Variants in FBXO34 observed in about 807,000 individuals in gnomAD.
The protein encoded by FBXO34 is F-box protein 34, also known as F-box only protein 34.
A neutral mutation model predicts 24.5 loss-of-function variants in FBXO34; 12 were observed. The observed-to-expected ratio is 0.49, with a 90% CI of 0.31 to 0.79. FBXO34 has a LOEUF of 0.79. FBXO34 is among the 30% of genes least tolerant of loss of function. FBXO34 has a pLI of 0.04. For missense variants in FBXO34, 823 were observed against 857.7 expected, an observed-to-expected ratio of 0.96 and a Z score of 0.51; for synonymous variants, 320 against 311.9, an observed-to-expected ratio of 1.03 and a Z score of -0.27.
At chr14:55,402,580 C>G in the FBXO34 span, among the ~76,000 whole-genome samples, 8 of 151,800 alleles carry the variant, frequency 5.3e-5, no homozygotes, top group South Asian at 1.7e-3. Flanking sequence ...ATATTTTTAT[C>G]GGCAAAGATA....
At chr14:55,290,222 C>T (rs1194213781) in intron 1 of FBXO34, among the ~76,000 whole-genome samples, 1 of 151,916 alleles carries the variant, frequency 6.6e-6, no homozygotes, top group East Asian at 1.9e-4. Context: ...GGTGAAACCC[C>T]GTCTCTACTA....
rs751682408 is a variant in FBXO34, at chr14:55,351,456, G to C, written c.1066G>C (p.Asp356His). The C allele has an allele frequency of 1.2e-6, 2 of 1,614,178 alleles. 1 individual carries two copies. Among genetic ancestry groups the C allele is most frequent in the South Asian group, 2.2e-5 (2 of 91,080 alleles). Reference sequence around the variant, plus strand: ...TGTGGATTGTGGCCCTTCAAGAGCTGATCGTTGTTCTCCTAAGGAGGACCA... The same window carrying C: ...TGTGGATTGTGGCCCTTCAAGAGCTCATCGTTGTTCTCCTAAGGAGGACCA... ...VSVDCGPSRA[D>H]RCSPKEDQAW... Residue 356 changes from aspartate to histidine, a missense_variant, in exon 2 of 2, where the codon GAT (aspartate) becomes CAT (histidine). Asp to His is a moderately conservative substitution (Grantham distance 81). Coordinates refer to ENST00000313833, the MANE Select transcript of FBXO34 (RefSeq NM_017943.4).
chr14:55,358,347 T>C (rs1318416606), downstream of FBXO34, among the ~76,000 whole-genome samples: 2 of 152,054 alleles, frequency 1.3e-5, no homozygotes, highest in Non-Finnish European at 2.9e-5. Context: ...AATTCAAGGA[T>C]TTATTATAAG....
intron 1 of FBXO34, among the ~76,000 whole-genome samples, chr14:55,323,495 GC>G (rs1252406350): frequency 1.9e-4 from 29 of 151,662 alleles, no homozygotes; most frequent in African/African-American, 7.0e-4. Context: ...TGATTCTCCT[GC>G]CTCAGCCTCC....
chr14:55,286,434 T>C (rs1362395382), intron 1 of FBXO34, among the ~76,000 whole-genome samples: 1 of 151,514 alleles, frequency 6.6e-6, no homozygotes, highest in East Asian at 1.9e-4. Flanking sequence ...TAAATTTTAA[T>C]TTTATTTCCT....
the FBXO34 span, among the ~76,000 whole-genome samples, chr14:55,414,811 C>A: frequency 6.6e-6 from 1 of 152,126 alleles, no homozygotes; most frequent in Non-Finnish European, 1.5e-5. Flanking sequence ...TTCTTTTGAT[C>A]CACGTCCTCT....
the FBXO34 span, among the ~76,000 whole-genome samples, chr14:55,376,693 T>A: frequency 6.6e-6 from 1 of 152,180 alleles, no homozygotes; most frequent in African/African-American, 2.4e-5. Context: ...TTTCAGTAGA[T>A]GGATGATGCG....
chr14:55,298,907 C>A, intron 1 of FBXO34: 1 of 1,584,194 alleles, frequency 6.3e-7, no homozygotes, highest in Non-Finnish European at 8.7e-7. Flanking sequence ...AGAATGCCAA[C>A]ACCAATACCG....
At chr14:55,419,950 A>G in the FBXO34 span, among the ~76,000 whole-genome samples, 2 of 152,212 alleles carry the variant, frequency 1.3e-5, no homozygotes, top group African/African-American at 4.8e-5. Context: ...CAGTTGTGCC[A>G]TGCTGCACTA....
chr14:55,399,610 A>G, the FBXO34 span, among the ~76,000 whole-genome samples: 1 of 152,312 alleles, frequency 6.6e-6, no homozygotes, highest in South Asian at 2.1e-4. Flanking sequence ...TGGACCTATC[A>G]CTTGTTATAT....
At chr14:55,282,183 C>G (rs1428785435) in intron 1 of FBXO34, 1 of 191,418 alleles carries the variant, frequency 5.2e-6, no homozygotes, top group African/African-American at 2.4e-5. Flanking sequence ...TTTTAGTAGA[C>G]AGGGTTTCTC....
intron 1 of FBXO34, chr14:55,339,387 C>A (rs182119232): frequency 8.2e-5 from 12 of 145,782 alleles, no homozygotes; most frequent in South Asian, 2.3e-4. Flanking sequence ...TGCCCCCCCC[C>A]CCAATCCTGG....
intron 1 of FBXO34, among the ~76,000 whole-genome samples, chr14:55,293,888 T>C (rs1376899256): frequency 6.6e-6 from 1 of 152,074 alleles, no homozygotes; most frequent in Non-Finnish European, 1.5e-5. Flanking sequence ...GAGAGAGGGA[T>C]ATAGAAACTT....
At position 55,351,123 on chromosome 14, in the gene FBXO34, G is replaced by T. The variant is rs1884350020; in HGVS notation, c.733G>T (p.Val245Leu). The change falls in exon 2 of 2, where the codon GTG becomes TTG. Residue 245 changes from valine to leucine, a missense_variant. Physicochemically the swap from Val to Leu is conservative, Grantham distance 32 (BLOSUM62 1). This residue lies in a region of FBXO34 where 693 missense variants were observed against 659.1 expected (regional missense o/e 1.05). Transcript: ENST00000313833. ...IVRFSGQSRG[V>L]PAVSESYSAP... Reference sequence around the variant, plus strand: ...GAGGTTTTCTGGCCAATCCAGAGGTGTGCCTGCAGTGTCTGAGTCCTATTC... The same window carrying T: ...GAGGTTTTCTGGCCAATCCAGAGGTTTGCCTGCAGTGTCTGAGTCCTATTC... 1 of 1,614,104 alleles carries T rather than the reference G, an allele frequency of 6.2e-7. No individual in the cohort carries two copies. The highest frequency in any genetic ancestry group is 1.7e-5 in the Admixed American group (1 of 60,004).
chr14:55,297,597 T>C (rs891339736), intron 1 of FBXO34, among the ~76,000 whole-genome samples: 1 of 152,264 alleles, frequency 6.6e-6, no homozygotes, highest in Admixed American at 6.5e-5. Context: ...ATAGCCTCTA[T>C]TGGAAATTTT....
intron 1 of FBXO34, among the ~76,000 whole-genome samples, chr14:55,344,915 G>A (rs192058252): frequency 2.6e-5 from 4 of 152,198 alleles, no homozygotes; most frequent in African/African-American, 9.6e-5. Flanking sequence ...GTAATTGTCT[G>A]TTTGCTTTTC....
chr14:55,402,229 C>G, the FBXO34 span, among the ~76,000 whole-genome samples: 1 of 152,176 alleles, frequency 6.6e-6, no homozygotes, highest in Admixed American at 6.5e-5. Context: ...ACTCTCACCC[C>G]TCCACCTGCC....
At chr14:55,436,779 T>G in the FBXO34 span, 7 of 1,614,214 alleles carry the variant, frequency 4.3e-6, no homozygotes, top group Non-Finnish European at 5.9e-6. Flanking sequence ...ACCTACTTTG[T>G]GGACTTTGGC....
At chr14:55,386,570 G>T in the FBXO34 span, among the ~76,000 whole-genome samples, 1 of 152,038 alleles carries the variant, frequency 6.6e-6, no homozygotes, top group Non-Finnish European at 1.5e-5. Context: ...AGAAGGGCAA[G>T]AGAAACAGCC....
Sources: allele counts gnomAD v4.1 joint callset (sites outside exome capture counted in the v4.1 genomes callset), GRCh38; gene constraint gnomAD v4.1.1; regional missense constraint gnomAD v4.1.1; transcripts MANE v1.5; gene names NCBI Gene and HGNC (gene_info 2026-07-23, HGNC 2026-07-21).